The following PTPRG variants were observed in gnomAD, a reference collection of about 807,000 sequenced individuals.
PTPRG encodes protein tyrosine phosphatase receptor type G.
A neutral mutation model predicts 165.3 loss-of-function variants in PTPRG; 102 were observed. That is an observed-to-expected ratio of 0.62 (90% CI 0.53 to 0.73). PTPRG has a LOEUF of 0.73. Ranked by LOEUF, PTPRG falls within the 30% of genes least tolerant of loss-of-function variation. PTPRG has a pLI of 0.00. For missense variants in PTPRG, 1,866 were observed against 1,861.4 expected (o/e 1.00, Z -0.05); for synonymous variants, 675 against 669.5 (o/e 1.01, Z -0.13).
At chr3:61,755,101 G>A (rs2033589738) in intron 2 of PTPRG, among the ~76,000 whole-genome samples, 1 of 151,908 alleles carries the variant, frequency 6.6e-6, no homozygotes, top group African/African-American at 2.4e-5. Context: ...TCCGCCTCCT[G>A]GGTTCAAGCT....
Position 62,191,532 on chromosome 3 carries a change from C to T in PTPRG, c.1097C>T (p.Ser366Phe). The change falls in exon 9 of 30, where the codon TCC (serine) becomes TTC (phenylalanine). Residue 366 changes from serine (S) to phenylalanine (F), a missense_variant. Around this residue, in one of 3 missense-constraint regions of PTPRG, gnomAD observed 1,452 missense variants for 1,463.0 expected, o/e 0.99. Coordinates refer to ENST00000474889, the MANE Select transcript of PTPRG (RefSeq NM_002841.4). Reference protein sequence around the residue: ...QPLNQTALQVSWSQPETIYHP... With the variant: ...QPLNQTALQVFWSQPETIYHP... ...CTGAACCAGACGGCACTGCAGGTGT[C>T]CTGGAGCCAGCCGGAGACTATCTAC... 6.2e-7 allele frequency: 1 copy of T among 1,614,130 alleles called. No homozygotes were observed. The highest frequency in any genetic ancestry group is 1.3e-5 in the African/African-American group (1 of 75,014).
intron 19 of PTPRG, among the ~76,000 whole-genome samples, chr3:62,268,447 G>A (rs1295917269): frequency 2.0e-5 from 3 of 152,012 alleles, no homozygotes; most frequent in Admixed American, 1.3e-4. Context: ...GATTCCCTAT[G>A]TAACAAACCT....
chr3:61,731,032 C>T (rs1456009079), intron 1 of PTPRG, among the ~76,000 whole-genome samples: 1 of 152,172 alleles, frequency 6.6e-6, no homozygotes, highest in Non-Finnish European at 1.5e-5. Flanking sequence ...CACTGTTCTA[C>T]TCTTTCTGCA....
intron 14 of PTPRG, among the ~76,000 whole-genome samples, chr3:62,232,467 TAAGAG>T (rs1273373794): frequency 6.6e-6 from 1 of 152,224 alleles, no homozygotes; most frequent in African/African-American, 2.4e-5. Flanking sequence ...AGACTAATCT[TAAGAG>T]AGGAAGACGT....
At chr3:62,085,003 A>G (rs145781677) in intron 5 of PTPRG, among the ~76,000 whole-genome samples, 25 of 152,296 alleles carry the variant, frequency 1.6e-4, no homozygotes, top group African/African-American at 6.0e-4. Context: ...CAAATTATAA[A>G]AAATAGGCAT....
intron 3 of PTPRG, among the ~76,000 whole-genome samples, chr3:61,999,482 C>CA (rs1250914774): frequency 6.6e-6 from 1 of 152,150 alleles, no homozygotes; most frequent in African/African-American, 2.4e-5. Context: ...TTTCCAGGGA[C>CA]AAAAACATTC....
chr3:61,985,688 A>G (rs185577908), intron 2 of PTPRG, among the ~76,000 whole-genome samples: 1 of 152,254 alleles, frequency 6.6e-6, no homozygotes, highest in Non-Finnish European at 1.5e-5. Context: ...GATAACAGTG[A>G]TGGATTGATC....
chr3:62,092,075 CACACACACACACACACACACACA>C (rs924381321), intron 5 of PTPRG, among the ~76,000 whole-genome samples: 2 of 448 alleles, frequency 4.5e-3, no homozygotes, highest in African/African-American at 9.5e-3. Flanking sequence ...CACACACACA[CACACACACACACACACACACACA>C]CACACACACA....
intron 2 of PTPRG, among the ~76,000 whole-genome samples, chr3:61,916,620 A>C (rs1322585047): frequency 6.6e-6 from 1 of 152,148 alleles, no homozygotes. Context: ...TAAATCTGTT[A>C]TTGTTATTAT....
At chr3:61,902,557 A>G (rs900454820) in intron 2 of PTPRG, among the ~76,000 whole-genome samples, 8 of 152,180 alleles carry the variant, frequency 5.3e-5, no homozygotes, top group African/African-American at 1.7e-4. Context: ...GTTACCATCA[A>G]TAATAGTATC....
At chr3:61,843,681 G>A (rs905056145) in intron 2 of PTPRG, among the ~76,000 whole-genome samples, 2 of 151,626 alleles carry the variant, frequency 1.3e-5, no homozygotes, top group Admixed American at 6.6e-5. Context: ...TTATTCTATC[G>A]GCAGGTTTCC....
intron 16 of PTPRG, among the ~76,000 whole-genome samples, chr3:62,258,849 A>G (rs1361667356): frequency 6.6e-6 from 1 of 152,180 alleles, no homozygotes; most frequent in Non-Finnish European, 1.5e-5. Flanking sequence ...TTCCCAGAGT[A>G]GTATTAAAAG....
chr3:61,671,917 C>A (rs1363771794), intron 1 of PTPRG, among the ~76,000 whole-genome samples: 1 of 144,846 alleles, frequency 6.9e-6, no homozygotes, highest in Admixed American at 6.8e-5. Flanking sequence ...CCACCTCCCT[C>A]CCGGACGAGG....
chr3:62,208,228 C>A (rs1700277679), intron 12 of PTPRG, among the ~76,000 whole-genome samples: 1 of 152,092 alleles, frequency 6.6e-6, no homozygotes, highest in Non-Finnish European at 1.5e-5. Context: ...GCAAAGCCCT[C>A]AGCTGGATGT....
At position 62,000,603 on chromosome 3, in the gene PTPRG, G is replaced by A. The variant is rs146261511; in HGVS notation, c.371-2746G>A. 6.9e-4 allele frequency among the ~76,000 whole-genome samples: 105 copies of A among 152,276 alleles called. 1 individual carries two copies. The highest frequency in any genetic ancestry group is 2.4e-3 in the African/African-American group (99 of 41,556). On this transcript the variant is annotated intron_variant, in intron 3 of 29. Transcript: ENST00000474889. Reference sequence around the variant, plus strand: ...TTGCCTGCTCTTCAGAACCGACAGAGGTAGATGCCATCTCAAAAAAAGTAA... The same window carrying A: ...TTGCCTGCTCTTCAGAACCGACAGAAGTAGATGCCATCTCAAAAAAAGTAA...
At chr3:61,661,331 TTA>T (rs1702661585) in intron 1 of PTPRG, among the ~76,000 whole-genome samples, 2 of 150,094 alleles carry the variant, frequency 1.3e-5, no homozygotes, top group African/African-American at 4.9e-5. Context: ...TTTTTTTTTT[TTA>T]AATTTTTAAG....
chr3:62,221,892 A>C (rs9863216), intron 13 of PTPRG, among the ~76,000 whole-genome samples: 22,383 of 152,252 alleles, frequency 0.15, 1,965 homozygotes, highest in South Asian at 0.27. Context: ...TGTCTCTTCC[A>C]AGTCTCCCGC....
chr3:61,564,426 A>G (rs977461760), intron 1 of PTPRG, among the ~76,000 whole-genome samples: 2 of 152,130 alleles, frequency 1.3e-5, no homozygotes, highest in African/African-American at 2.4e-5. Context: ...TGAGATCCAA[A>G]ATGGGACTGC....
At chr3:62,101,042 G>T (rs1508397) in intron 5 of PTPRG, among the ~76,000 whole-genome samples, 90,358 of 152,094 alleles carry the variant, frequency 0.59, 26,929 homozygotes, top group Middle Eastern at 0.65. Context: ...CTTCTAGAAA[G>T]ATGTATGAAA....
Sources: allele counts gnomAD v4.1 joint callset (sites outside exome capture counted in the v4.1 genomes callset), GRCh38; gene constraint gnomAD v4.1.1; regional missense constraint gnomAD v4.1.1; transcripts MANE v1.5; gene names NCBI Gene and HGNC (gene_info 2026-07-23, HGNC 2026-07-21).